Variants in WDR25 observed in about 807,000 individuals in gnomAD.
WDR25 encodes the protein WD repeat-containing protein 25.
In WDR25, 35 loss-of-function variants were observed where a neutral mutation model predicts 47.7. That is an observed-to-expected ratio of 0.73 (90% CI 0.56 to 0.97). The LOEUF (loss-of-function observed/expected upper bound fraction) is 0.97, where lower values mean the gene tolerates loss of function less well. Among genes scored for constraint, WDR25 ranks in the 50% least tolerant of loss-of-function variants. The probability of loss-of-function intolerance (pLI) is 0.00; values close to 1 mark genes in which losing one functional copy is unlikely to be tolerated. For synonymous variants in WDR25, 248 were observed against 278.9 expected (o/e 0.89, Z 1.10); for missense variants, 634 against 704.7 (o/e 0.90, Z 1.14).
chr14:100,403,960 C>T (rs1224233655), intron 2 of WDR25, among the ~76,000 whole-genome samples: 3 of 152,208 alleles, frequency 2.0e-5, no homozygotes, highest in African/African-American at 7.2e-5. Flanking sequence ...TCCTGTTTGC[C>T]TGGGTTCTGG....
At chr14:100,422,864 G>T (rs1410259484) in intron 2 of WDR25, among the ~76,000 whole-genome samples, 2 of 152,168 alleles carry the variant, frequency 1.3e-5, no homozygotes, top group Non-Finnish European at 2.9e-5. Flanking sequence ...TCCCAGCTGG[G>T]TGCCCTAAAG....
intron 2 of WDR25, among the ~76,000 whole-genome samples, chr14:100,453,667 A>G (rs192615852): frequency 6.6e-6 from 1 of 152,306 alleles, no homozygotes; most frequent in African/African-American, 2.4e-5. Context: ...ACCATTGGAC[A>G]GGCTCTGCAC....
chr14:100,390,502 G>A (rs1317246861), intron 2 of WDR25, among the ~76,000 whole-genome samples: 1 of 152,034 alleles, frequency 6.6e-6, no homozygotes, highest in Non-Finnish European at 1.5e-5. Context: ...GAGGCAGCAG[G>A]CTGGCGCTCA....
intron 1 of WDR25, among the ~76,000 whole-genome samples, chr14:100,380,107 G>C (rs573883972): frequency 6.0e-5 from 9 of 150,712 alleles, no homozygotes; most frequent in African/African-American, 1.7e-4. Context: ...GAGTGCAGTG[G>C]TGCAATCTCA....
In WDR25 at chr14:100,382,076, C is replaced by T. The variant is rs553871133; in HGVS notation, c.822+330C>T. 6.7e-5 allele frequency: 47 copies of T among 702,968 alleles called. 1 individual carries two copies. The highest frequency in any genetic ancestry group is 4.6e-4 in the South Asian group (31 of 67,592). 43.5% of individuals were successfully genotyped at this position (702,968 alleles called of 1,614,324 possible). A position where few individuals can be genotyped will look rare whatever the true frequency, so the allele number is the denominator to read the frequency against. ...AAGCCCTGGGGACTGGGGACATCCT[C>T]GGTGACCCTGTGGAGCATTGAGCCA... On this transcript the variant is annotated intron_variant, in intron 2 of 6. Transcript: ENST00000402312.
intron 2 of WDR25, among the ~76,000 whole-genome samples, chr14:100,423,125 C>T (rs1039477043): frequency 6.6e-6 from 1 of 152,200 alleles, no homozygotes; most frequent in Non-Finnish European, 1.5e-5. Context: ...CTTGCTTTCT[C>T]TTTGTCTGGG....
chr14:100,464,734 C>CCATCTCATCTCATCTCATCT (rs11275025), intron 2 of WDR25, among the ~76,000 whole-genome samples: 1 of 57,510 alleles, frequency 1.7e-5, no homozygotes, highest in African/African-American at 7.6e-5. Flanking sequence ...CTCCCCTACT[C>CCATCTCATCTCATCTCATCT]CATCTCATCT....
intron 4 of WDR25, among the ~76,000 whole-genome samples, chr14:100,489,185 G>A (rs562718329): frequency 6.6e-6 from 1 of 152,256 alleles, no homozygotes; most frequent in Non-Finnish European, 1.5e-5. Context: ...ATGAGATATG[G>A]TGTGGCCATC....
At chr14:100,518,737 A>C (rs544971970) in intron 4 of WDR25, among the ~76,000 whole-genome samples, 15 of 152,122 alleles carry the variant, frequency 9.9e-5, no homozygotes, top group African/African-American at 2.7e-4. Flanking sequence ...CTAAAATACA[A>C]AAAATTAGCC....
In WDR25 at chr14:100,381,522, CA is replaced by C. The variant is rs1896897773; in HGVS notation, c.599del (p.Gln200ArgfsTer26). On this transcript the variant is annotated frameshift_variant, in exon 2 of 7. Coordinates refer to ENST00000402312, the MANE Select transcript of WDR25 (RefSeq NM_001161476.3). LOFTEE classifies it high-confidence loss of function. ...ETGKGKDVEP[Q>X]GPPAGRAPAP... is the part of the protein sequence containing the mutation. ...AGGCAAGGGTAAAGACGTGGAGCCA[CA>C]GGGGCCCCCTGCAGGGCGTGCCCCA... The C allele has an allele frequency of 2.5e-6, 4 of 1,614,038 alleles. No individual in the cohort carries two copies. Among genetic ancestry groups the C allele is most frequent in the Non-Finnish European group, 3.4e-6 (4 of 1,179,926 alleles).
chr14:100,510,716 A>G (rs1200162443), intron 4 of WDR25, among the ~76,000 whole-genome samples: 1 of 148,892 alleles, frequency 6.7e-6, no homozygotes, highest in Non-Finnish European at 1.5e-5. Flanking sequence ...AGCCTGGGTG[A>G]CAGAGCGAGA....
At chr14:100,514,393 A>T (rs1595164021) in intron 4 of WDR25, among the ~76,000 whole-genome samples, 1 of 151,964 alleles carries the variant, frequency 6.6e-6, no homozygotes, top group Non-Finnish European at 1.5e-5. Flanking sequence ...GATTATTGAT[A>T]TGGTTGGGTT....
chr14:100,390,309 G>A (rs750667206), intron 2 of WDR25, among the ~76,000 whole-genome samples: 12 of 150,770 alleles, frequency 8.0e-5, no homozygotes, highest in Non-Finnish European at 1.3e-4. Context: ...TTTTGTTTTG[G>A]TGTCTGTGTT....
rs191594493 is a variant in WDR25 at position 100,381,931 on chromosome 14, A to G, written c.822+185A>G. ...CCGGGTTGTGGGTTCCTTCTGCCCC[A>G]ACCCTTCCCTGATGCTGCCTTGCTC... On this transcript the variant is annotated intron_variant, in intron 2 of 6. Transcript: ENST00000402312. 2.7e-5 allele frequency: 17 copies of G among 636,332 alleles called. No individual in the cohort carries two copies. In the African/African-American group the frequency reaches 2.8e-4, roughly 10 times the overall value. 39.4% of individuals were successfully genotyped at this position (636,332 alleles called of 1,614,324 possible).
At chr14:100,414,514 T>C (rs369310023) in intron 2 of WDR25, among the ~76,000 whole-genome samples, 1 of 151,936 alleles carries the variant, frequency 6.6e-6, no homozygotes. Flanking sequence ...GGTTTCCCCA[T>C]GTTGGCCAGG....
chr14:100,445,729 G>A (rs1402043185), intron 2 of WDR25, among the ~76,000 whole-genome samples: 1 of 152,150 alleles, frequency 6.6e-6, no homozygotes, highest in Non-Finnish European at 1.5e-5. Flanking sequence ...TTTAGCTTCC[G>A]ACCTCCCTGT....
intron 2 of WDR25, among the ~76,000 whole-genome samples, chr14:100,393,529 C>A (rs12893158): frequency 0.19 from 28,527 of 152,056 alleles, 2,816 homozygotes; most frequent in Non-Finnish European, 0.21. Flanking sequence ...GCTGGCAGGG[C>A]TGCTGTGGGA....
At chr14:100,471,277 G>A (rs560942933) in intron 3 of WDR25, among the ~76,000 whole-genome samples, 8 of 152,270 alleles carry the variant, frequency 5.3e-5, no homozygotes, top group African/African-American at 1.7e-4. Flanking sequence ...CTCAGTACCT[G>A]TGTGGGTAAG....
intron 3 of WDR25, among the ~76,000 whole-genome samples, chr14:100,482,686 T>A (rs1900244469): frequency 6.6e-6 from 1 of 152,150 alleles, no homozygotes; most frequent in Non-Finnish European, 1.5e-5. Context: ...AGCCCTTCAC[T>A]AATGTGTGGG....
Sources: allele counts gnomAD v4.1 joint callset (sites outside exome capture counted in the v4.1 genomes callset), GRCh38; gene constraint gnomAD v4.1.1; transcripts MANE v1.5; gene names NCBI Gene and HGNC (gene_info 2026-07-23, HGNC 2026-07-21).